DEPDC1B: variants seen among roughly 807,000 people sequenced by gnomAD.
DEPDC1B encodes DEP domain-containing protein 1B.
A neutral mutation model predicts 66.5 loss-of-function variants in DEPDC1B; 51 were observed. That is an observed-to-expected ratio of 0.77 (90% CI 0.61 to 0.97). The LOEUF is 0.97. Ranked by LOEUF, DEPDC1B falls within the 50% of genes least tolerant of loss-of-function variation. DEPDC1B has a pLI of 0.00. For synonymous variants in DEPDC1B, 226 were observed against 223.6 expected (o/e 1.01, Z -0.10); for missense variants, 552 against 637.1 (o/e 0.87, Z 1.44).
At chr5:60,690,859 C>T (rs903203851) in intron 1 of DEPDC1B, among the ~76,000 whole-genome samples, 1 of 152,060 alleles carries the variant, frequency 6.6e-6, no homozygotes, top group African/African-American at 2.4e-5. Context: ...ACCTGAGAAA[C>T]TATTATCCTA....
intron 2 of DEPDC1B, 159 bp from the exon 3 acceptor site, chr5:60,647,692 C>T (rs569040868): frequency 6.7e-6 from 4 of 600,152 alleles, no homozygotes; most frequent in East Asian, 7.0e-5. Context: ...CTGCTCTATA[C>T]CATACCTGAT....
At chr5:60,645,412 TTAAA>T in intron 4 of DEPDC1B, 76 bp downstream of exon 4, 1 of 1,328,482 alleles carries the variant, frequency 7.5e-7, no homozygotes, top group South Asian at 1.8e-5. Flanking sequence ...TTTCAGAAAA[TTAAA>T]TATGCAGAGA....
At chr5:60,690,555 C>A (rs181819227) in intron 1 of DEPDC1B, among the ~76,000 whole-genome samples, 19 of 152,256 alleles carry the variant, frequency 1.2e-4, no homozygotes, top group Admixed American at 2.6e-4. Flanking sequence ...ACGTAGGCTC[C>A]CTGCCAGTCC....
chr5:60,647,697 C>T, intron 2 of DEPDC1B, 164 bp from the exon 3 acceptor site: 3 of 570,030 alleles, frequency 5.3e-6, no homozygotes, highest in South Asian at 4.3e-5. Flanking sequence ...CTATACCATA[C>T]CTGATAAAGA....
At chr5:60,684,083 T>G (rs1754357167) in intron 2 of DEPDC1B, among the ~76,000 whole-genome samples, 1 of 150,856 alleles carries the variant, frequency 6.6e-6, no homozygotes, top group Admixed American at 6.6e-5. Flanking sequence ...CAAAACCCTG[T>G]TGAAAGAAAT....
intron 7 of DEPDC1B, among the ~76,000 whole-genome samples, chr5:60,607,201 G>A (rs1262393303): frequency 6.6e-6 from 1 of 152,190 alleles, no homozygotes; most frequent in Non-Finnish European, 1.5e-5. Context: ...AGTAAAGCTA[G>A]AAAGATCAAC....
At chr5:60,616,573 G>A (rs1020550670) in intron 7 of DEPDC1B, among the ~76,000 whole-genome samples, 2 of 152,118 alleles carry the variant, frequency 1.3e-5, no homozygotes, top group Admixed American at 6.5e-5. Context: ...GAAATGAAGC[G>A]AGAAGTTTAC....
Position 60,687,118 on chromosome 5 carries a change from A to G in DEPDC1B, c.158T>C (p.Leu53Pro), listed in dbSNP as rs1212034925. The G allele has an allele frequency of 6.2e-7, 1 of 1,614,224 alleles. No individual in the cohort carries two copies. Among genetic ancestry groups the G allele is most frequent in the Non-Finnish European group, 8.5e-7 (1 of 1,180,048 alleles). The change falls in exon 2 of 11, where the codon CTG (leucine) becomes CCG (proline). Residue 53 changes from leucine (L) to proline (P), a missense_variant. Transcript: ENST00000265036. ...TTGACTGCACCTCAGCAGCTCATGC[A>G]GCCAATCCACAGCTTCGGCCGCTGT... is the stretch of plus-strand genomic sequence containing the variant. The part of the protein sequence containing the change: ...CFTAAEAVDW[L>P]HELLRCSQNF...
rs1752151964 is a variant in DEPDC1B at position 60,599,118 on chromosome 5, T to A, written c.1385A>T (p.Asp462Val). The A allele has an allele frequency of 6.2e-7, 1 of 1,607,910 alleles. No individual in the cohort carries two copies. Among genetic ancestry groups the A allele is most frequent in the Non-Finnish European group, 8.5e-7 (1 of 1,177,978 alleles). Residue 462 changes from aspartate to valine, a missense_variant, in exon 10 of 11, where the codon GAT becomes GTT. Asp to Val is a radical substitution (Grantham distance 152). Transcript: ENST00000265036. ...TTTCTCTTTGTTGGAGAGTTTGGCA[T>A]CTGTTATGACTTCCTCCAACAAGGC... ...LAALLEEVIT[D>V]AKLSNKEKKK...
At chr5:60,627,383 CT>C (rs959120254) in intron 7 of DEPDC1B, among the ~76,000 whole-genome samples, 5 of 151,654 alleles carry the variant, frequency 3.3e-5, no homozygotes, top group African/African-American at 1.2e-4. Context: ...AAAAGCTTCT[CT>C]TTTTTTTAAG....
At chr5:60,691,036 C>T (rs1464378675) in intron 1 of DEPDC1B, among the ~76,000 whole-genome samples, 9 of 149,046 alleles carry the variant, frequency 6.0e-5, no homozygotes, top group Admixed American at 5.5e-4. Flanking sequence ...AGTGCTTAAT[C>T]GATCTTTCAC....
chr5:60,674,569 C>T (rs1264747794), intron 2 of DEPDC1B, among the ~76,000 whole-genome samples: 1 of 152,134 alleles, frequency 6.6e-6, no homozygotes, highest in East Asian at 1.9e-4. Context: ...CAAATCCATC[C>T]CCCATATGTG....
intron 7 of DEPDC1B, among the ~76,000 whole-genome samples, chr5:60,621,157 A>G (rs10054494): frequency 1.3e-5 from 2 of 151,578 alleles, no homozygotes; most frequent in African/African-American, 2.4e-5. Context: ...GGGTAGGGGG[A>G]GGGATAGCAT....
chr5:60,646,829 G>A (rs1753329782), intron 3 of DEPDC1B, among the ~76,000 whole-genome samples: 1 of 152,072 alleles, frequency 6.6e-6, no homozygotes, highest in Non-Finnish European at 1.5e-5. Context: ...ATTCTCATAG[G>A]AGCGTGAACC....
intron 2 of DEPDC1B, among the ~76,000 whole-genome samples, chr5:60,651,298 T>C (rs1753445320): frequency 6.6e-6 from 1 of 151,718 alleles, no homozygotes; most frequent in Non-Finnish European, 1.5e-5. Context: ...GAGACCAGGG[T>C]GGGTGGATTG....
intron 1 of DEPDC1B, among the ~76,000 whole-genome samples, chr5:60,690,642 C>T (rs1015689663): frequency 2.6e-5 from 4 of 152,146 alleles, no homozygotes; most frequent in African/African-American, 9.7e-5. Context: ...ACTTTATAAA[C>T]TCCGAATCTT....
At chr5:60,639,027 A>G in intron 6 of DEPDC1B, 137 bp from the exon 7 acceptor site, 1 of 901,460 alleles carries the variant, frequency 1.1e-6, no homozygotes, top group Non-Finnish European at 1.6e-6. Context: ...GGGAAAATTG[A>G]CATTAATTAA....
chr5:60,682,133 A>G (rs1754309253), intron 2 of DEPDC1B, among the ~76,000 whole-genome samples: 1 of 152,208 alleles, frequency 6.6e-6, no homozygotes, highest in African/African-American at 2.4e-5. Flanking sequence ...AACAATTGAT[A>G]GACTGGATTA....
At chr5:60,630,296 G>A (rs984775166) in intron 7 of DEPDC1B, among the ~76,000 whole-genome samples, 4 of 152,322 alleles carry the variant, frequency 2.6e-5, no homozygotes, top group Middle Eastern at 3.4e-3. Flanking sequence ...GTCCACTGCC[G>A]AGTCAGCTCC....
Sources: gnomAD v4.1 joint callset for allele counts (sites outside exome capture counted in the v4.1 genomes callset) on GRCh38, gnomAD v4.1.1 for gene constraint, MANE v1.5 for transcripts, NCBI Gene and HGNC (gene_info 2026-07-23, HGNC 2026-07-21) for gene names.